PCDH15: variants seen among roughly 807,000 people sequenced by gnomAD.
The protein encoded by PCDH15 is protocadherin-15.
A neutral mutation model predicts 178.5 loss-of-function variants in PCDH15; 129 were observed. The ratio of observed to expected loss-of-function variants is 0.72; its 90% CI spans 0.63 to 0.84. The LOEUF (loss-of-function observed/expected upper bound fraction) is 0.84. PCDH15 is among the 40% of genes least tolerant of loss of function. The pLI is 0.00. For synonymous variants in PCDH15, 800 were observed against 732.0 expected (o/e 1.09, Z -1.50); for missense variants, 2,230 against 2,099.9 (o/e 1.06, Z -1.21).
chr10:55,399,025 C>T (rs1426239159), intron 2 of PCDH15, among the ~76,000 whole-genome samples: 1 of 151,882 alleles, frequency 6.6e-6, no homozygotes, highest in Admixed American at 6.6e-5. Context: ...ATCTATATGG[C>T]GCAATTACTC....
intron 2 of PCDH15, among the ~76,000 whole-genome samples, chr10:55,489,518 A>G (rs1345633551): frequency 1.3e-5 from 2 of 151,600 alleles, no homozygotes; most frequent in Non-Finnish European, 3.0e-5. Context: ...TTCACTTCCC[A>G]CTGTTACCCC....
At chr10:54,697,735 GAGGCAAGGA>G (rs1473671971) in intron 1 of PCDH15, among the ~76,000 whole-genome samples, 1 of 150,072 alleles carries the variant, frequency 6.7e-6, no homozygotes, top group African/African-American at 2.5e-5. Context: ...AAGTAAGGAA[GAGGCAAGGA>G]AGGCAAGGAA....
intron 1 of PCDH15, among the ~76,000 whole-genome samples, chr10:55,220,114 A>G (rs935588752): frequency 1.3e-5 from 2 of 151,924 alleles, no homozygotes; most frequent in Non-Finnish European, 2.9e-5. Context: ...TTTATACTTA[A>G]GGCCCTATGT....
At chr10:54,672,644 C>T (rs910181741) in intron 1 of PCDH15, among the ~76,000 whole-genome samples, 38 of 152,256 alleles carry the variant, frequency 2.5e-4, no homozygotes, top group Non-Finnish European at 4.7e-4. Flanking sequence ...ATTCTGCCAA[C>T]AATCTAAATG....
At chr10:53,929,822 T>C (rs978856112) in intron 25 of PCDH15, among the ~76,000 whole-genome samples, 3 of 152,254 alleles carry the variant, frequency 2.0e-5, no homozygotes, top group African/African-American at 7.2e-5. Context: ...CAATGACATA[T>C]TTATAGAAAG....
At chr10:54,726,002 C>T (rs67168907) in intron 1 of PCDH15, among the ~76,000 whole-genome samples, 18,475 of 151,622 alleles carry the variant, frequency 0.12, 1,253 homozygotes, top group African/African-American at 0.17. Flanking sequence ...GTTACAAGTA[C>T]ATGCATTCAA....
intron 18 of PCDH15, among the ~76,000 whole-genome samples, chr10:54,062,245 AAAAAAAACAAAAAAC>A (rs1480343795): frequency 1.4e-4 from 20 of 144,002 alleles, no homozygotes; most frequent in East Asian, 7.9e-4. Context: ...AAAAAAAAAA[AAAAAAAACAAAAAAC>A]AACTAAATGA....
At chr10:54,627,622 T>C (rs1336202208) in intron 2 of PCDH15, among the ~76,000 whole-genome samples, 1 of 152,216 alleles carries the variant, frequency 6.6e-6, no homozygotes, top group African/African-American at 2.4e-5. Flanking sequence ...CTTGGGTATG[T>C]CTTTATCAGC....
intron 2 of PCDH15, among the ~76,000 whole-genome samples, chr10:55,494,568 T>C (rs1400744297): frequency 6.6e-6 from 1 of 151,778 alleles, no homozygotes; most frequent in Non-Finnish European, 1.5e-5. Context: ...TAAAGTTAAA[T>C]TTTATTCCAT....
intron 2 of PCDH15, among the ~76,000 whole-genome samples, chr10:55,553,271 T>C (rs1279570637): frequency 1.3e-5 from 2 of 151,590 alleles, no homozygotes; most frequent in Admixed American, 6.6e-5. Context: ...TCTGGATTTC[T>C]GATTCTCAAA....
intron 2 of PCDH15, among the ~76,000 whole-genome samples, chr10:55,543,751 G>A (rs540740425): frequency 6.6e-6 from 1 of 151,112 alleles, no homozygotes; most frequent in South Asian, 2.1e-4. Context: ...ATAAGATTGT[G>A]ATCTTCTTAT....
At chr10:54,853,892 G>A (rs1323329130) in intron 3 of PCDH15, among the ~76,000 whole-genome samples, 1 of 152,100 alleles carries the variant, frequency 6.6e-6, no homozygotes, top group Non-Finnish European at 1.5e-5. Flanking sequence ...TGTTTTTATG[G>A]CCAGAAACCT....
chr10:55,017,354 T>C (rs890135448), intron 2 of PCDH15, among the ~76,000 whole-genome samples: 4 of 152,146 alleles, frequency 2.6e-5, no homozygotes, highest in Admixed American at 1.3e-4. Context: ...ATAATACTAA[T>C]GGGAGTGTAT....
intron 1 of PCDH15, among the ~76,000 whole-genome samples, chr10:55,198,656 T>C (rs1367629861): frequency 7.0e-6 from 1 of 143,862 alleles, no homozygotes; most frequent in African/African-American, 2.6e-5. Context: ...CCCAGCTAAT[T>C]TTTTTTTTTT....
chr10:54,772,799 T>C (rs1949246237), intron 1 of PCDH15, among the ~76,000 whole-genome samples: 1 of 152,046 alleles, frequency 6.6e-6, no homozygotes, highest in African/African-American at 2.4e-5. Context: ...CATTCTACTA[T>C]AAAGACACAT....
At chr10:54,179,006 G>T (rs1169877306) in intron 13 of PCDH15, among the ~76,000 whole-genome samples, 2 of 152,168 alleles carry the variant, frequency 1.3e-5, no homozygotes, top group African/African-American at 4.8e-5. Context: ...GGAAGTCAGT[G>T]TGGTGATTCC....
intron 18 of PCDH15, among the ~76,000 whole-genome samples, chr10:54,029,473 GCTA>G (rs2093226956): frequency 6.6e-6 from 1 of 152,088 alleles, no homozygotes; most frequent in African/African-American, 2.4e-5. Flanking sequence ...CTGATTTGTG[GCTA>G]CTAATTTGTG....
intron 2 of PCDH15, among the ~76,000 whole-genome samples, chr10:54,538,100 C>A (rs1029981492): frequency 6.6e-6 from 1 of 152,136 alleles, no homozygotes; most frequent in African/African-American, 2.4e-5. Context: ...TTCTGTCGGG[C>A]AGAAGCTCTT....
At chr10:54,269,056 A>G (rs1410197258) in intron 8 of PCDH15, among the ~76,000 whole-genome samples, 1 of 151,920 alleles carries the variant, frequency 6.6e-6, no homozygotes, top group Admixed American at 6.6e-5. Context: ...TTCTTATACA[A>G]GCAATTATGG....
Sources: allele counts gnomAD v4.1 joint callset (sites outside exome capture counted in the v4.1 genomes callset), GRCh38; gene constraint gnomAD v4.1.1; transcripts MANE v1.5; gene names NCBI Gene and HGNC (gene_info 2026-07-23, HGNC 2026-07-21).